Variants in FGD5 observed in about 807,000 individuals in gnomAD.
FGD5 encodes FYVE, RhoGEF and PH domain containing 5, also known as FYVE, RhoGEF and PH domain-containing protein 5.
In FGD5, 28 loss-of-function variants were observed where a neutral mutation model predicts 133.4. That is an observed-to-expected ratio of 0.21 (90% CI 0.16 to 0.29). FGD5 has a LOEUF of 0.29. Ranked by LOEUF, FGD5 falls within the 10% of genes least tolerant of loss-of-function variation. The probability of loss-of-function intolerance (pLI) is 1.00; values close to 1 mark genes in which losing one functional copy is unlikely to be tolerated. For synonymous variants in FGD5, 810 were observed against 776.5 expected (o/e 1.04, Z -0.72); for missense variants, 1,858 against 1,895.2 (o/e 0.98, Z 0.36).
At position 14,821,468 on chromosome 3, in the gene FGD5, G is replaced by A. The variant is rs370558190; in HGVS notation, c.2397G>A (p.Ala799=). Residue 799 remains alanine (A), a synonymous_variant, in exon 1 of 20, where the codon GCG becomes GCA. Coordinates refer to ENST00000285046, the MANE Select transcript of FGD5 (RefSeq NM_152536.4). Reference sequence around the variant, plus strand: ...CCCGGAGACCTGCCAGGGCTGGCGCGTTCACGAAGCTGTTTGAAGATCAGA... The same window carrying A: ...CCCGGAGACCTGCCAGGGCTGGCGCATTCACGAAGCTGTTTGAAGATCAGA... ...IPPRRPARAG[A]FTKLFEDQSR... is the part of the protein sequence containing the mutation. The A allele has an allele frequency of 1.8e-5, 29 of 1,613,892 alleles. No homozygotes were observed. The highest frequency in any genetic ancestry group is 2.4e-5 in the Non-Finnish European group (28 of 1,179,916).
chr3:14,836,430 G>C (rs868729969), intron 1 of FGD5, among the ~76,000 whole-genome samples: 6 of 152,164 alleles, frequency 3.9e-5, no homozygotes, highest in Admixed American at 6.5e-5. Flanking sequence ...CAGCCTCTGG[G>C]GTGAGGAGAC....
At chr3:14,834,781 T>C (rs2036783941) in intron 1 of FGD5, among the ~76,000 whole-genome samples, 1 of 152,112 alleles carries the variant, frequency 6.6e-6, no homozygotes, top group Non-Finnish European at 1.5e-5. Context: ...TAAGAAGCAG[T>C]TTAAGGGGTA....
chr3:14,890,152 G>A (rs1366208244), intron 4 of FGD5, among the ~76,000 whole-genome samples: 3 of 151,964 alleles, frequency 2.0e-5, no homozygotes, highest in East Asian at 1.9e-4. Flanking sequence ...CTCCTCTTCC[G>A]CCTCAGGACC....
At chr3:14,859,875 G>A (rs1407784323) in intron 1 of FGD5, among the ~76,000 whole-genome samples, 3 of 143,216 alleles carry the variant, frequency 2.1e-5, no homozygotes, top group Non-Finnish European at 4.5e-5. Context: ...ATTACAACTC[G>A]AACCACTCCC....
intron 1 of FGD5, among the ~76,000 whole-genome samples, chr3:14,853,464 C>G (rs1000619383): frequency 1.3e-5 from 2 of 151,428 alleles, no homozygotes; most frequent in African/African-American, 4.9e-5. Context: ...CCCGAAGCCC[C>G]CTTCCCCTCC....
At chr3:14,869,637 C>T (rs4630927) in intron 2 of FGD5, among the ~76,000 whole-genome samples, 103,779 of 152,024 alleles carry the variant, frequency 0.68, 35,701 homozygotes, top group African/African-American at 0.77. Flanking sequence ...CGTTCCACTT[C>T]CTGTCTCTAT....
In FGD5 at chr3:14,900,430, C is replaced by G; in HGVS notation, c.3182C>G (p.Ser1061Cys). ...TDYLNNLCPDSAEYDNTQGAL... is the reference protein window; with the variant it reads ...TDYLNNLCPDCAEYDNTQGAL... ...TATTTAAACAACCTTTGTCCGGACT[C>G]CGCCGAGTACGACAACACACAGGGT... Residue 1061 changes from serine to cysteine, a missense_variant, in exon 8 of 20, where the codon TCC becomes TGC. Ser to Cys is a moderately radical substitution (Grantham distance 112). This residue lies in a region of FGD5 where 1,824 missense variants were observed against 1,848.9 expected (regional missense o/e 0.99). Transcript: ENST00000285046. 1 of 1,613,474 alleles carries G rather than the reference C, an allele frequency of 6.2e-7. No homozygotes were observed. The highest frequency in any genetic ancestry group is 1.7e-5 in the Admixed American group (1 of 59,956).
At chr3:14,861,888 C>T (rs1388146072) in intron 1 of FGD5, among the ~76,000 whole-genome samples, 1 of 152,114 alleles carries the variant, frequency 6.6e-6, no homozygotes, top group Non-Finnish European at 1.5e-5. Context: ...ACAGCATGAT[C>T]AGATTGGGTT....
chr3:14,931,303 T>G (rs1559511048), intron 18 of FGD5: 1 of 152,234 alleles, frequency 6.6e-6, no homozygotes, highest in Non-Finnish European at 1.5e-5. Context: ...AGGCTTTTTC[T>G]GATCTAGCAA....
Position 14,820,714 on chromosome 3 carries a change from C to T in FGD5, c.1643C>T (p.Pro548Leu). ...AAGCCCAGGGCCTTTACTTTATACC[C>T]TCGGTCGTTCTCCGTGGAAGGCCGA... ...PAKPRAFTLY[P>L]RSFSVEGREI... The change falls in exon 1 of 20, where the codon CCT becomes CTT. Residue 548 changes from proline to leucine, a missense_variant. Physicochemically the swap from Pro to Leu is moderately conservative, Grantham distance 98. Around this residue, in one of 3 missense-constraint regions of FGD5, gnomAD observed 1,824 missense variants for 1,848.9 expected, o/e 0.99. Coordinates refer to ENST00000285046, the MANE Select transcript of FGD5 (RefSeq NM_152536.4). 3.1e-6 allele frequency: 5 copies of T among 1,599,380 alleles called. No individual in the cohort carries two copies. Among genetic ancestry groups the T allele is most frequent in the Non-Finnish European group, 4.3e-6 (5 of 1,174,178 alleles).
At chr3:14,855,162 A>G (rs919300641) in intron 1 of FGD5, among the ~76,000 whole-genome samples, 1 of 152,118 alleles carries the variant, frequency 6.6e-6, no homozygotes, top group Admixed American at 6.5e-5. Context: ...ATGTCCTCCA[A>G]TCCCATTCAT....
At chr3:14,904,505 G>GGTGTGTGT (rs55744974) in intron 9 of FGD5, among the ~76,000 whole-genome samples, 107,875 of 150,832 alleles carry the variant, frequency 0.72, 38,676 homozygotes, top group African/African-American at 0.76. Context: ...TAGATTTCAG[G>GGTGTGTGT]GTGTGTGTGT....
chr3:14,894,042 A>C (rs2038086237), intron 4 of FGD5, among the ~76,000 whole-genome samples: 1 of 151,966 alleles, frequency 6.6e-6, no homozygotes, highest in Non-Finnish European at 1.5e-5. Context: ...ACAGGTGTGA[A>C]CCACTGTGGC....
rs2038721928 is a variant in FGD5, at chr3:14,923,163, G to A, written c.3925G>A (p.Gly1309Ser). 1 of 1,613,156 alleles carries A rather than the reference G, an allele frequency of 6.2e-7. No homozygotes were observed. The highest frequency in any genetic ancestry group is 1.1e-5 in the South Asian group (1 of 90,988). ...ELKKRGRAVP[G>S]LMRERPVSMS... ...GAAGAAGCGGGGCAGGGCTGTCCCGGGCCTGATGAGAGGTAACCTGGGGAC... is the reference window on the plus strand; with the variant it reads ...GAAGAAGCGGGGCAGGGCTGTCCCGAGCCTGATGAGAGGTAACCTGGGGAC... The change falls in exon 16 of 20, where the codon GGC becomes AGC. Residue 1309 changes from glycine (G) to serine (S), a missense_variant. Transcript: ENST00000285046.
chr3:14,817,887 A>G (rs2036398953), upstream of FGD5, among the ~76,000 whole-genome samples: 1 of 152,170 alleles, frequency 6.6e-6, no homozygotes, highest in Non-Finnish European at 1.5e-5. Flanking sequence ...GCAGTATGCA[A>G]GGGAGCTTAG....
In FGD5 at chr3:14,917,478, G is replaced by A; in HGVS notation, c.3489+146G>A. 5.7e-6 allele frequency: 4 copies of A among 700,018 alleles called. No individual in the cohort carries two copies. The South Asian group carries it at 7.6e-5, about 13-fold the overall frequency. 43.4% of individuals were successfully genotyped at this position (700,018 alleles called of 1,614,324 possible). ...CAGTGTTGGGCTACAGCAAGTTTGT[G>A]CTGTAAGTTGCCCAGGGAAAGGGGA... On this transcript the variant is annotated intron_variant, in intron 12 of 19. Coordinates refer to ENST00000285046, the MANE Select transcript of FGD5 (RefSeq NM_152536.4). The surrounding 1 kb of genome is among the most constrained non-coding windows in gnomAD (Gnocchi z 4.1).
chr3:14,912,121 G>A (rs1230782177), intron 11 of FGD5, among the ~76,000 whole-genome samples: 1 of 152,094 alleles, frequency 6.6e-6, no homozygotes, highest in East Asian at 1.9e-4. Context: ...TCTTCCCCAT[G>A]CCCCAAATAG....
At chr3:14,876,246 G>T (rs1218290540) in intron 2 of FGD5, among the ~76,000 whole-genome samples, 1 of 152,144 alleles carries the variant, frequency 6.6e-6, no homozygotes, top group East Asian at 1.9e-4. Flanking sequence ...CTCCCCTGTA[G>T]CTCTTTACTG....
At chr3:14,879,086 C>G (rs1283020881) in intron 2 of FGD5, among the ~76,000 whole-genome samples, 3 of 152,260 alleles carry the variant, frequency 2.0e-5, no homozygotes, top group Non-Finnish European at 4.4e-5. Flanking sequence ...GTGGATCACT[C>G]ACTTGACGAG....
Sources: allele counts gnomAD v4.1 joint callset (sites outside exome capture counted in the v4.1 genomes callset), GRCh38; gene constraint gnomAD v4.1.1; regional missense constraint gnomAD v4.1.1; non-coding constraint Gnocchi (gnomAD v3.1); transcripts MANE v1.5; gene names NCBI Gene and HGNC (gene_info 2026-07-23, HGNC 2026-07-21).